The following WWTR1 variants were observed in gnomAD, a reference collection of about 807,000 sequenced individuals.
WWTR1 encodes the protein WW domain containing transcription regulator 1.
WWTR1 carries 13 observed loss-of-function variants against 40.1 expected under a neutral mutation model. That is an observed-to-expected ratio of 0.32 (90% CI 0.21 to 0.52). The LOEUF (loss-of-function observed/expected upper bound fraction) is 0.52. WWTR1 is among the 20% of genes least tolerant of loss of function. WWTR1 has a pLI of 0.97. For synonymous variants in WWTR1, 230 were observed against 210.1 expected (o/e 1.09, Z -0.82); for missense variants, 436 against 523.1 (o/e 0.83, Z 1.63).
chr3:149,602,571 C>T (rs1193460920), intron 2 of WWTR1, among the ~76,000 whole-genome samples: 1 of 152,164 alleles, frequency 6.6e-6, no homozygotes, highest in East Asian at 1.9e-4. Flanking sequence ...ATTGCCCTGA[C>T]ACAACTTTAA....
Position 149,518,999 on chromosome 3 carries a change from T to C in WWTR1, c.*1806A>G, listed in dbSNP as rs1233394637. The C allele has an allele frequency of 2.0e-5, 3 of 152,012 alleles. No homozygotes were observed. The highest frequency in any genetic ancestry group is 4.4e-5 in the Non-Finnish European group (3 of 68,000). 9.4% of individuals were successfully genotyped at this position (152,012 alleles called of 1,614,324 possible). The stretch of plus-strand genomic sequence containing the variant: ...TGTACTCTGTACATGTATATTCCGG[T>C]AGATCAAAAGGAATCTTATTTAAGA... On this transcript the variant is annotated 3_prime_UTR_variant, in exon 7 of 7. Transcript: ENST00000360632.
intron 2 of WWTR1, among the ~76,000 whole-genome samples, chr3:149,640,091 A>G (rs1410520127): frequency 1.3e-5 from 2 of 152,046 alleles, no homozygotes; most frequent in African/African-American, 2.4e-5. Context: ...GATTTCTTGG[A>G]TTGCCCTTAT....
chr3:149,669,728 T>C (rs1188793955), intron 2 of WWTR1: 3 of 149,764 alleles, frequency 2.0e-5, no homozygotes, highest in Non-Finnish European at 4.4e-5. Flanking sequence ...AGTAAATGTG[T>C]TTAATATCAT....
At chr3:149,699,292 CTTTTT>C (rs35576449) in intron 1 of WWTR1, among the ~76,000 whole-genome samples, 1 of 131,742 alleles carries the variant, frequency 7.6e-6, no homozygotes. Flanking sequence ...GGTCATCATT[CTTTTT>C]TTTTTTTTTT....
chr3:149,694,703 T>G (rs956794946), intron 1 of WWTR1, among the ~76,000 whole-genome samples: 1 of 152,226 alleles, frequency 6.6e-6, no homozygotes, highest in African/African-American at 2.4e-5. Context: ...AGAACCCTCA[T>G]ACACTGTTGG....
Position 149,657,300 on chromosome 3 carries a change from G to T in WWTR1, c.7C>A (p.Pro3Thr). Residue 3 changes from proline to threonine, a missense_variant, in exon 2 of 7, where the codon CCG becomes ACG. By Grantham distance (38) the Pro-to-Thr change is conservative (BLOSUM62 -1). Transcript: ENST00000360632. Reference protein sequence around the residue: MNPASAPPPLPPP... With the variant: MNTASAPPPLPPP... ...GGGAGCGGAGGGGGCGCCGAGGCCGGATTCATCTTCTGCAAAAAGAAGGTC... is the reference window on the plus strand; with the variant it reads ...GGGAGCGGAGGGGGCGCCGAGGCCGTATTCATCTTCTGCAAAAAGAAGGTC... 6.2e-7 allele frequency: 1 copy of T among 1,609,694 alleles called. No homozygotes were observed. Among genetic ancestry groups the T allele is most frequent in the South Asian group, 1.1e-5 (1 of 90,108 alleles).
Position 149,656,859 on chromosome 3 carries a change from G to A in WWTR1, c.431+17C>T. The A allele has an allele frequency of 6.6e-7, 1 of 1,505,204 alleles. No individual in the cohort carries two copies. Among genetic ancestry groups the A allele is most frequent in the Non-Finnish European group, 8.8e-7 (1 of 1,136,150 alleles). 93.2% of individuals were successfully genotyped at this position (1,505,204 alleles called of 1,614,324 possible). Reference sequence around the variant, plus strand: ...GCACTGTGACTTGGTGCCTTCTTCGGCTCCAGGCTGACTTACTTGAGGAAG... The same window carrying A: ...GCACTGTGACTTGGTGCCTTCTTCGACTCCAGGCTGACTTACTTGAGGAAG... On this transcript the variant is annotated intron_variant, in intron 2 of 6. Coordinates refer to ENST00000360632, the MANE Select transcript of WWTR1 (RefSeq NM_015472.6).
In WWTR1 at chr3:149,642,667, C is replaced by T. The variant is rs572894241; in HGVS notation, c.431+14209G>A. The stretch of plus-strand genomic sequence containing the variant: ...GCAAGCGCCTGTAGTACCAGCTATT[C>T]GGGAGGCTGAGGCAGGAGAATGGCC... On this transcript the variant is annotated intron_variant, in intron 2 of 6. Coordinates refer to ENST00000360632, the MANE Select transcript of WWTR1 (RefSeq NM_015472.6). 1.8e-4 allele frequency among the ~76,000 whole-genome samples: 27 copies of T among 147,806 alleles called. No homozygotes were observed. In the East Asian group the frequency reaches 2.8e-3, roughly 16 times the overall value.
intron 1 of WWTR1, among the ~76,000 whole-genome samples, chr3:149,674,048 C>T (rs1157962326): frequency 8.3e-5 from 3 of 36,212 alleles, no homozygotes; most frequent in Non-Finnish European, 1.9e-4. Flanking sequence ...AGTAAGACCT[C>T]GTCTCTACAA....
rs565830346 is a variant in WWTR1, at chr3:149,525,151, A to G, written c.1018+862T>C. On this transcript the variant is annotated intron_variant, in intron 6 of 6. Transcript: ENST00000360632. Reference sequence around the variant, plus strand: ...AGTAACCCTGACTCTCTTCTCTTTAATTCCTGAGGGAGGATGTCGTTACCA... The same window carrying G: ...AGTAACCCTGACTCTCTTCTCTTTAGTTCCTGAGGGAGGATGTCGTTACCA... Among the ~76,000 whole-genome samples the G allele has an allele frequency of 9.8e-5, 15 of 152,318 alleles. No homozygotes were observed. The South Asian group carries it at 3.1e-3, about 32-fold the overall frequency.
chr3:149,584,782 G>C (rs1338881057), intron 2 of WWTR1, among the ~76,000 whole-genome samples: 1 of 152,178 alleles, frequency 6.6e-6, no homozygotes, highest in African/African-American at 2.4e-5. Flanking sequence ...AACTGACTAA[G>C]AGACTACTGT....
At chr3:149,548,207 C>T (rs896024133) in intron 3 of WWTR1, among the ~76,000 whole-genome samples, 1 of 152,150 alleles carries the variant, frequency 6.6e-6, no homozygotes, top group Non-Finnish European at 1.5e-5. Context: ...ACAAGATTTG[C>T]TATATAAGAA....
intron 4 of WWTR1, among the ~76,000 whole-genome samples, chr3:149,532,075 T>C (rs940807741): frequency 6.6e-5 from 10 of 152,180 alleles, no homozygotes; most frequent in African/African-American, 2.2e-4. Flanking sequence ...GGAAACCTGG[T>C]CCTGCTATCT....
At chr3:149,593,823 G>A (rs2108035849) in intron 2 of WWTR1, among the ~76,000 whole-genome samples, 1 of 152,338 alleles carries the variant, frequency 6.6e-6, no homozygotes, top group South Asian at 2.1e-4. Context: ...CATTTAAAAT[G>A]TCTTTGAAGG....
intron 3 of WWTR1, among the ~76,000 whole-genome samples, chr3:149,569,320 T>C (rs1273410175): frequency 6.6e-6 from 1 of 152,228 alleles, no homozygotes; most frequent in Non-Finnish European, 1.5e-5. Flanking sequence ...TTTTTTGCCA[T>C]AAAAATAATG....
intron 2 of WWTR1, among the ~76,000 whole-genome samples, chr3:149,574,728 G>A (rs1443444248): frequency 6.6e-6 from 1 of 151,798 alleles, no homozygotes; most frequent in Non-Finnish European, 1.5e-5. Flanking sequence ...ATTGCCAAGG[G>A]GAACTCATCC....
chr3:149,696,787 T>C (rs1715008714), intron 1 of WWTR1, among the ~76,000 whole-genome samples: 1 of 152,154 alleles, frequency 6.6e-6, no homozygotes, highest in African/African-American at 2.4e-5. Context: ...TGTGATCACA[T>C]CACTCCCCTA....
intron 1 of WWTR1, among the ~76,000 whole-genome samples, chr3:149,687,024 G>C (rs1314322148): frequency 6.6e-6 from 1 of 152,176 alleles, no homozygotes; most frequent in Non-Finnish European, 1.5e-5. Context: ...AGGAGCCACA[G>C]ACTGCAGGAA....
chr3:149,707,317 T>A (rs1181134723), upstream of WWTR1, among the ~76,000 whole-genome samples: 1 of 152,084 alleles, frequency 6.6e-6, no homozygotes, highest in Non-Finnish European at 1.5e-5. Context: ...TGCAGAGGGG[T>A]TAGTGTCCTC....
Sources: allele counts gnomAD v4.1 joint callset (sites outside exome capture counted in the v4.1 genomes callset), GRCh38; gene constraint gnomAD v4.1.1; transcripts MANE v1.5; gene names NCBI Gene and HGNC (gene_info 2026-07-23, HGNC 2026-07-21).